The following ALX1 variants were observed in gnomAD, a reference collection of about 807,000 sequenced individuals.
ALX1 encodes ALX homeobox protein 1.
ALX1 carries 19 observed loss-of-function variants against 31.7 expected under a neutral mutation model. The ratio of observed to expected loss-of-function variants is 0.60; its 90% CI spans 0.42 to 0.88. The LOEUF is 0.88. Among genes scored for constraint, ALX1 ranks in the 40% least tolerant of loss-of-function variants. ALX1 has a pLI of 0.00. For synonymous variants in ALX1, 153 were observed against 148.8 expected (o/e 1.03, Z -0.20); for missense variants, 415 against 407.8 (o/e 1.02, Z -0.15).
intron 2 of ALX1, among the ~76,000 whole-genome samples, chr12:85,286,643 T>G (rs916735106): frequency 8.6e-5 from 13 of 151,924 alleles, no homozygotes; most frequent in Non-Finnish European, 1.9e-4. Context: ...TGCCTCTTTC[T>G]ATTAAATTAT....
chr12:85,293,915 A>C (rs1036925229), intron 3 of ALX1, among the ~76,000 whole-genome samples: 1 of 151,156 alleles, frequency 6.6e-6, no homozygotes, highest in Non-Finnish European at 1.5e-5. Context: ...ATGAAGCCTC[A>C]TGTGTCTATG....
rs376214478 is a variant in ALX1 at position 85,280,287 on chromosome 12, C to T, written c.26C>T (p.Ala9Val). The change falls in exon 1 of 4, where the codon GCC becomes GTC. Residue 9 changes from alanine (A) to valine (V), a missense_variant. Transcript: ENST00000316824. ...ATGGAGTTTCTGAGCGAGAAGTTTGCCCTCAAGAGCCCTCCGAGTAAAAAC... is the reference window on the plus strand; with the variant it reads ...ATGGAGTTTCTGAGCGAGAAGTTTGTCCTCAAGAGCCCTCCGAGTAAAAAC... The part of the protein sequence containing the change: MEFLSEKF[A>V]LKSPPSKNSD... The T allele has an allele frequency of 6.2e-7, 1 of 1,613,398 alleles. No individual in the cohort carries two copies.
At chr12:85,293,530 G>T (rs1283085524) in intron 3 of ALX1, among the ~76,000 whole-genome samples, 2 of 150,694 alleles carry the variant, frequency 1.3e-5, no homozygotes, top group African/African-American at 4.9e-5. Context: ...GAAACAAAGT[G>T]CACTCCTGTC....
At chr12:85,289,875 G>C (rs1366066098) in intron 3 of ALX1, among the ~76,000 whole-genome samples, 1 of 150,900 alleles carries the variant, frequency 6.6e-6, no homozygotes, top group South Asian at 2.1e-4. Flanking sequence ...TTTATCATGG[G>C]GCTTGAAAAT....
At chr12:85,297,528 G>T (rs1370198543) in intron 3 of ALX1, among the ~76,000 whole-genome samples, 3 of 151,608 alleles carry the variant, frequency 2.0e-5, no homozygotes, top group African/African-American at 7.3e-5. Flanking sequence ...AGAGGTAGAG[G>T]AATATAACAG....
At chr12:85,300,991 C>G (rs1896957065) in intron 3 of ALX1, among the ~76,000 whole-genome samples, 164 bp from the exon 4 acceptor site, 1 of 151,990 alleles carries the variant, frequency 6.6e-6, no homozygotes, top group Non-Finnish European at 1.5e-5. Context: ...CTAGAAGGAT[C>G]TCTCAAGTAA....
rs145447233 is a variant in ALX1 at position 85,283,395 on chromosome 12, T to C, written c.227-177T>C. Among the ~76,000 whole-genome samples, 553 of 152,314 alleles carry C rather than the reference T, an allele frequency of 3.6e-3. 4 individuals carry two copies. The highest frequency in any genetic ancestry group is 0.012 in the African/African-American group (514 of 41,566). ...GTTGCATGAACACATTTTAAAATGG[T>C]ATTTAAACCTGTCCTACAATGAATT... On this transcript the variant is annotated intron_variant, in intron 1 of 3. Coordinates refer to ENST00000316824, the MANE Select transcript of ALX1 (RefSeq NM_006982.3).
intron 3 of ALX1, among the ~76,000 whole-genome samples, chr12:85,294,522 A>T (rs939071218): frequency 6.6e-6 from 1 of 151,224 alleles, no homozygotes; most frequent in Admixed American, 6.6e-5. Flanking sequence ...TATAGAATTT[A>T]AGAATACAGT....
chr12:85,301,064 T>C, intron 3 of ALX1, 91 bp from the exon 4 acceptor site: 1 of 1,449,152 alleles, frequency 6.9e-7, no homozygotes. Context: ...CAATGAATAG[T>C]TAACCAAATT....
In ALX1 at chr12:85,301,573, G is replaced by T; in HGVS notation, c.*98G>T. On this transcript the variant is annotated 3_prime_UTR_variant, in exon 4 of 4. Transcript: ENST00000316824. ...ACAATAAGCTGCTGTGTGTGGAATTGCTAAAGGTCAAGATATTCAGTGAGA... is the reference window on the plus strand; with the variant it reads ...ACAATAAGCTGCTGTGTGTGGAATTTCTAAAGGTCAAGATATTCAGTGAGA... 2 of 1,293,682 alleles carry T rather than the reference G, an allele frequency of 1.5e-6. No individual in the cohort carries two copies. Among genetic ancestry groups the T allele is most frequent in the East Asian group, 2.4e-5 (1 of 41,032 alleles). 80.1% of individuals were successfully genotyped at this position (1,293,682 alleles called of 1,614,324 possible).
At chr12:85,300,582 A>G (rs1378809533) in intron 3 of ALX1, among the ~76,000 whole-genome samples, 1 of 152,022 alleles carries the variant, frequency 6.6e-6, no homozygotes, top group Non-Finnish European at 1.5e-5. Flanking sequence ...GTAATTTCCC[A>G]GATTCTCAGA....
In ALX1 at chr12:85,301,258, C is replaced by T. The variant is rs758870090; in HGVS notation, c.764C>T (p.Ser255Leu). 3 of 1,613,904 alleles carry T rather than the reference C, an allele frequency of 1.9e-6. No homozygotes were observed. Among genetic ancestry groups the T allele is most frequent in the Admixed American group, 1.7e-5 (1 of 59,964 alleles). Reference sequence around the variant, plus strand: ...TCCTGTATGACACCTTATTCTCACTCGCCTCGGACAGATTCCAGTTACACG... The same window carrying T: ...TCCTGTATGACACCTTATTCTCACTTGCCTCGGACAGATTCCAGTTACACG... Reference protein sequence around the residue: ...TSSCMTPYSHSPRTDSSYTGF... With the variant: ...TSSCMTPYSHLPRTDSSYTGF... Residue 255 changes from serine (S) to leucine (L), a missense_variant, in exon 4 of 4, where the codon TCG becomes TTG. Coordinates refer to ENST00000316824, the MANE Select transcript of ALX1 (RefSeq NM_006982.3).
chr12:85,288,077 A>G (rs955024967), intron 3 of ALX1, among the ~76,000 whole-genome samples: 4 of 151,454 alleles, frequency 2.6e-5, no homozygotes, highest in Admixed American at 6.6e-5. Flanking sequence ...TAAATCCCCC[A>G]AATTTATTAA....
At chr12:85,281,090 T>G (rs184398335) in intron 1 of ALX1, among the ~76,000 whole-genome samples, 3 of 152,358 alleles carry the variant, frequency 2.0e-5, no homozygotes, top group East Asian at 3.9e-4. Context: ...TGCTTTTTTT[T>G]GCGTTTGCAA....
intron 1 of ALX1, among the ~76,000 whole-genome samples, chr12:85,282,107 C>G (rs1433949480): frequency 6.6e-6 from 1 of 152,090 alleles, no homozygotes; most frequent in African/African-American, 2.4e-5. Flanking sequence ...TCCCCTCCCC[C>G]ATCCCTAATT....
Position 85,280,249 on chromosome 12 carries a change from G to A in ALX1, c.-13G>A. 6.2e-7 allele frequency: 1 copy of A among 1,605,990 alleles called. No individual in the cohort carries two copies. The highest frequency in any genetic ancestry group is 8.5e-7 in the Non-Finnish European group (1 of 1,176,022). On this transcript the variant is annotated 5_prime_UTR_variant, in exon 1 of 4. Coordinates refer to ENST00000316824, the MANE Select transcript of ALX1 (RefSeq NM_006982.3). ...TCTGTGCCCCAGGAGCTACGCGACA[G>A]TCTTCCAGGATTATGGAGTTTCTGA...
chr12:85,286,763 G>C, intron 2 of ALX1, 90 bp from the exon 3 acceptor site: 1 of 1,230,098 alleles, frequency 8.1e-7, no homozygotes, highest in South Asian at 1.5e-5. Flanking sequence ...TTTTAACCTG[G>C]TTTACCTTTC....
chr12:85,293,410 G>A (rs566899572), intron 3 of ALX1, among the ~76,000 whole-genome samples: 5 of 149,796 alleles, frequency 3.3e-5, no homozygotes, highest in African/African-American at 7.3e-5. Context: ...TTCATTTAAT[G>A]AAAAAAATTT....
At chr12:85,288,462 G>C (rs1896777292) in intron 3 of ALX1, among the ~76,000 whole-genome samples, 1 of 151,372 alleles carries the variant, frequency 6.6e-6, no homozygotes, top group Admixed American at 6.6e-5. Flanking sequence ...AAATATTTTT[G>C]AGTGCCTTAG....
Sources: allele counts gnomAD v4.1 joint callset (sites outside exome capture counted in the v4.1 genomes callset), GRCh38; gene constraint gnomAD v4.1.1; transcripts MANE v1.5; gene names NCBI Gene and HGNC (gene_info 2026-07-23, HGNC 2026-07-21).